The following SORCS2 variants were observed in gnomAD, a reference collection of about 807,000 sequenced individuals.
SORCS2 encodes VPS10 domain-containing receptor SorCS2.
Under a neutral mutation model 141.6 loss-of-function variants are expected in SORCS2, and 100 were observed. That is an observed-to-expected ratio of 0.71 (90% confidence interval 0.60 to 0.83). The LOEUF is 0.83. Among genes scored for constraint, SORCS2 ranks in the 40% least tolerant of loss-of-function variants. SORCS2 has a pLI of 0.00. For missense variants in SORCS2, 1,646 were observed against 1,560.2 expected, an observed-to-expected ratio of 1.05 and a Z score of -0.93; for synonymous variants, 789 against 676.9, an observed-to-expected ratio of 1.17 and a Z score of -2.57.
intron 2 of SORCS2, among the ~76,000 whole-genome samples, chr4:7,469,703 G>T (rs1206899024): frequency 6.6e-6 from 1 of 152,192 alleles, no homozygotes; most frequent in Non-Finnish European, 1.5e-5. Flanking sequence ...GATTAAATTG[G>T]ATTGGAGTGG....
At chr4:7,534,130 C>T (rs1329389419) in intron 3 of SORCS2, among the ~76,000 whole-genome samples, 1 of 152,200 alleles carries the variant, frequency 6.6e-6, no homozygotes, top group African/African-American at 2.4e-5. Context: ...GCCTGGCACC[C>T]AGCACAGAGG....
At chr4:7,550,042 G>T (rs931740960) in intron 3 of SORCS2, among the ~76,000 whole-genome samples, 3 of 151,376 alleles carry the variant, frequency 2.0e-5, no homozygotes, top group Non-Finnish European at 4.4e-5. Context: ...GGGCCGGGGA[G>T]AGCTGGTGGC....
chr4:7,441,063 C>A (rs975077573), intron 2 of SORCS2, among the ~76,000 whole-genome samples: 3 of 152,020 alleles, frequency 2.0e-5, no homozygotes, highest in Admixed American at 6.5e-5. Context: ...GGTGTGAGCT[C>A]AGCACTGGGA....
At chr4:7,542,591 G>A (rs555042116) in intron 3 of SORCS2, among the ~76,000 whole-genome samples, 8 of 152,252 alleles carry the variant, frequency 5.3e-5, no homozygotes, top group South Asian at 4.2e-4. Context: ...CAGAGCCTTC[G>A]GGAAGCATTG....
intron 1 of SORCS2, among the ~76,000 whole-genome samples, chr4:7,333,974 C>A (rs932713940): frequency 6.6e-6 from 1 of 152,132 alleles, no homozygotes; most frequent in Admixed American, 6.5e-5. Context: ...AGCCTCCATA[C>A]TCAGCTGGGG....
At chr4:7,713,196 T>C (rs935559737) in intron 15 of SORCS2, among the ~76,000 whole-genome samples, 1 of 152,004 alleles carries the variant, frequency 6.6e-6, no homozygotes, top group Admixed American at 6.5e-5. Context: ...ATACATGACA[T>C]TGGGGTCTGG....
chr4:7,416,872 T>C (rs1725728644), intron 2 of SORCS2, among the ~76,000 whole-genome samples: 1 of 151,266 alleles, frequency 6.6e-6, no homozygotes, highest in Non-Finnish European at 1.5e-5. Context: ...TTGTGCATGC[T>C]CAGACACACA....
intron 2 of SORCS2, among the ~76,000 whole-genome samples, chr4:7,521,356 G>A (rs1372008598): frequency 6.6e-6 from 1 of 152,102 alleles, no homozygotes; most frequent in Non-Finnish European, 1.5e-5. Flanking sequence ...CTCCGGCACC[G>A]GGCTGCACTT....
At chr4:7,714,471 C>T (rs975952465) in intron 16 of SORCS2, 98 bp downstream of exon 16, 33 of 1,358,850 alleles carry the variant, frequency 2.4e-5, no homozygotes, top group Middle Eastern at 4.9e-4. Flanking sequence ...GAAGCCTCAG[C>T]GCCTTTTATA....
At chr4:7,421,014 T>C (rs1726007308) in intron 2 of SORCS2, among the ~76,000 whole-genome samples, 1 of 152,238 alleles carries the variant, frequency 6.6e-6, no homozygotes, top group Admixed American at 6.5e-5. Flanking sequence ...GGTGTTTGGT[T>C]CTGCCCTCCT....
chr4:7,650,526 G>A (rs1010035470), intron 4 of SORCS2, among the ~76,000 whole-genome samples: 1 of 152,208 alleles, frequency 6.6e-6, no homozygotes, highest in Non-Finnish European at 1.5e-5. Flanking sequence ...CACGGTGGGC[G>A]CTAGTGGAGC....
intron 4 of SORCS2, among the ~76,000 whole-genome samples, chr4:7,645,052 GC>G (rs1303265418): frequency 1.3e-5 from 2 of 152,234 alleles, no homozygotes; most frequent in Non-Finnish European, 2.9e-5. Context: ...AAACGCAAGC[GC>G]ATGAGGCAGT....
intron 1 of SORCS2, among the ~76,000 whole-genome samples, chr4:7,254,787 G>A (rs1486128690): frequency 6.6e-6 from 1 of 152,194 alleles, no homozygotes; most frequent in African/African-American, 2.4e-5. Context: ...TTCTGCATCA[G>A]GAGGATTCTA....
At chr4:7,222,581 C>T (rs1022115498) in intron 1 of SORCS2, among the ~76,000 whole-genome samples, 6 of 152,150 alleles carry the variant, frequency 3.9e-5, no homozygotes, top group Admixed American at 2.0e-4. Context: ...TGCTGACAGC[C>T]ACTGGCTTGG....
chr4:7,456,421 A>G (rs1728914216), intron 2 of SORCS2, among the ~76,000 whole-genome samples: 1 of 152,184 alleles, frequency 6.6e-6, no homozygotes, highest in Admixed American at 6.5e-5. Flanking sequence ...CAAGCTGCCC[A>G]TCCACCTTTA....
chr4:7,458,537 G>A (rs940495998), intron 2 of SORCS2, among the ~76,000 whole-genome samples: 10 of 152,208 alleles, frequency 6.6e-5, no homozygotes, highest in Non-Finnish European at 1.5e-4. Flanking sequence ...AGCCCTTTCA[G>A]GTTAGACTTC....
At chr4:7,477,818 A>G (rs556832669) in intron 2 of SORCS2, among the ~76,000 whole-genome samples, 5 of 152,284 alleles carry the variant, frequency 3.3e-5, no homozygotes, top group African/African-American at 1.2e-4. Context: ...CGTGGAACAG[A>G]CTGGGCTTAA....
chr4:7,515,925 C>G (rs1029954498), intron 2 of SORCS2, among the ~76,000 whole-genome samples: 1 of 152,186 alleles, frequency 6.6e-6, no homozygotes, highest in African/African-American at 2.4e-5. Context: ...TTCTCTGGGC[C>G]TGTGTCCTCA....
chr4:7,540,733 C>A (rs965593409), intron 3 of SORCS2, among the ~76,000 whole-genome samples: 1 of 152,184 alleles, frequency 6.6e-6, no homozygotes, highest in Non-Finnish European at 1.5e-5. Flanking sequence ...ACAGGCTTTA[C>A]GGAGACTCAA....
Sources: gnomAD v4.1 joint callset for allele counts (sites outside exome capture counted in the v4.1 genomes callset) on GRCh38, gnomAD v4.1.1 for gene constraint, MANE v1.5 for transcripts, NCBI Gene and HGNC (gene_info 2026-07-23, HGNC 2026-07-21) for gene names.